PTPDC1: variants seen among roughly 807,000 people sequenced by gnomAD.
PTPDC1 encodes the protein protein tyrosine phosphatase domain-containing protein 1.
Under a neutral mutation model 75.3 loss-of-function variants are expected in PTPDC1, and 53 were observed. That is an observed-to-expected ratio of 0.70 (90% CI 0.56 to 0.88). PTPDC1 has a LOEUF of 0.88. Among genes scored for constraint, PTPDC1 ranks in the 40% least tolerant of loss-of-function variants. The pLI, the probability that PTPDC1 is intolerant of heterozygous loss-of-function variation, is 0.00. For synonymous variants in PTPDC1, 349 were observed against 366.2 expected (o/e 0.95, Z 0.54); for missense variants, 925 against 998.6 (o/e 0.93, Z 0.99).
At position 94,087,815 on chromosome 9, in the gene PTPDC1, C is replaced by T. The variant is rs1200224412; in HGVS notation, c.417-16C>T. On this transcript the variant is annotated splice_polypyrimidine_tract_variant and intron_variant, in intron 2 of 8. Transcript: ENST00000620992. ...AGGTTTCAGCACATCTCACCAGTCCCTCCACCTATTTGCAGGGTCACTGAT... is the reference window on the plus strand; with the variant it reads ...AGGTTTCAGCACATCTCACCAGTCCTTCCACCTATTTGCAGGGTCACTGAT... 2 of 1,602,068 alleles carry T rather than the reference C, an allele frequency of 1.2e-6. No homozygotes were observed. The highest frequency in any genetic ancestry group is 1.7e-5 in the Admixed American group (1 of 59,948).
Position 94,092,846 on chromosome 9 carries a change from C to T in PTPDC1, c.617-2471C>T, listed in dbSNP as rs1827379695. Among the ~76,000 whole-genome samples the T allele has an allele frequency of 4.6e-5, 7 of 151,384 alleles. 1 individual carries two copies. The South Asian group carries it at 1.5e-3, about 32-fold the overall frequency. On this transcript the variant is annotated intron_variant, in intron 4 of 8. Transcript: ENST00000620992. ...CCCTTTACCATTATGTAATGTCCTT[C>T]TTTGTCTCTTTTGATCTTTGTTGGT... is the stretch of plus-strand genomic sequence containing the variant.
intron 1 of PTPDC1, among the ~76,000 whole-genome samples, chr9:94,044,861 A>G (rs535201057): frequency 1.5e-4 from 23 of 151,330 alleles, no homozygotes; most frequent in Non-Finnish European, 3.2e-4. Flanking sequence ...TTTTCATTAT[A>G]CTTTAAGTTT....
intron 2 of PTPDC1, among the ~76,000 whole-genome samples, chr9:94,067,640 C>T (rs2117885947): frequency 6.6e-6 from 1 of 152,088 alleles, no homozygotes; most frequent in African/African-American, 2.4e-5. Context: ...TCTTTTTTGT[C>T]TCCCAGGCTG....
At chr9:94,045,340 A>G (rs1426586626) in intron 1 of PTPDC1, among the ~76,000 whole-genome samples, 10 of 152,122 alleles carry the variant, frequency 6.6e-5, no homozygotes, top group East Asian at 1.9e-4. Context: ...ATGATTTATA[A>G]TCCTTTGGAT....
At chr9:94,040,313 A>G (rs1380603987) in intron 1 of PTPDC1, among the ~76,000 whole-genome samples, 1 of 152,186 alleles carries the variant, frequency 6.6e-6, no homozygotes, top group Admixed American at 6.5e-5. Context: ...GCCTCCCATA[A>G]TTTTTATGTG....
intron 1 of PTPDC1, among the ~76,000 whole-genome samples, chr9:94,049,277 G>A (rs950390755): frequency 6.6e-6 from 1 of 152,100 alleles, no homozygotes; most frequent in Non-Finnish European, 1.5e-5. Flanking sequence ...TGGTTATTTT[G>A]CTCGTTAGTT....
At chr9:94,044,425 A>G (rs2118420174) in intron 1 of PTPDC1, among the ~76,000 whole-genome samples, 1 of 152,298 alleles carries the variant, frequency 6.6e-6, no homozygotes, top group South Asian at 2.1e-4. Flanking sequence ...TAAGCCCAGC[A>G]TTAGCTGTTC....
intron 1 of PTPDC1, among the ~76,000 whole-genome samples, chr9:94,060,697 G>C (rs774748586): frequency 2.6e-5 from 4 of 152,096 alleles, no homozygotes; most frequent in Non-Finnish European, 5.9e-5. Flanking sequence ...AGGAAGGCAG[G>C]GGGAGGTGCT....
chr9:94,076,429 A>G (rs982405689), intron 2 of PTPDC1, among the ~76,000 whole-genome samples: 2 of 152,174 alleles, frequency 1.3e-5, no homozygotes, highest in African/African-American at 4.8e-5. Flanking sequence ...TATAAATGGA[A>G]CCATATAAAT....
At chr9:94,086,940 G>C (rs929374807) in intron 2 of PTPDC1, among the ~76,000 whole-genome samples, 12 of 152,268 alleles carry the variant, frequency 7.9e-5, no homozygotes, top group African/African-American at 2.6e-4. Context: ...ATTCATAACT[G>C]CATGTCAGGA....
At chr9:94,047,623 C>A (rs1178707766) in intron 1 of PTPDC1, among the ~76,000 whole-genome samples, 3 of 152,044 alleles carry the variant, frequency 2.0e-5, no homozygotes, top group Non-Finnish European at 2.9e-5. Context: ...ATTAATGAAT[C>A]CAGGAGCTGG....
At chr9:94,040,927 G>A (rs1587837377) in intron 1 of PTPDC1, among the ~76,000 whole-genome samples, 1 of 152,126 alleles carries the variant, frequency 6.6e-6, no homozygotes, top group East Asian at 1.9e-4. Flanking sequence ...TTATGTTTCT[G>A]ATACTTTATA....
chr9:94,057,636 A>G (rs921595736), intron 1 of PTPDC1, among the ~76,000 whole-genome samples: 2 of 152,354 alleles, frequency 1.3e-5, no homozygotes, highest in South Asian at 2.1e-4. Flanking sequence ...TATAGTCCTC[A>G]TTTTATAGAA....
intron 1 of PTPDC1, among the ~76,000 whole-genome samples, chr9:94,033,796 T>G (rs1042440670): frequency 7.9e-5 from 12 of 152,220 alleles, no homozygotes; most frequent in African/African-American, 2.7e-4. Context: ...TAACTGTATG[T>G]GAGACATAAA....
At chr9:94,090,506 G>A (rs1827272867) in intron 4 of PTPDC1, among the ~76,000 whole-genome samples, 1 of 127,348 alleles carries the variant, frequency 7.9e-6, no homozygotes, top group Non-Finnish European at 1.6e-5. Context: ...TTTGAAGTCA[G>A]GTAGTGTGAT....
At chr9:94,039,253 A>T (rs1825359656) in intron 1 of PTPDC1, among the ~76,000 whole-genome samples, 1 of 152,150 alleles carries the variant, frequency 6.6e-6, no homozygotes. Flanking sequence ...GTTTGGAAAT[A>T]CTCAATTTTT....
At chr9:94,064,535 AT>A (rs1826237991) in intron 1 of PTPDC1, among the ~76,000 whole-genome samples, 1 of 152,138 alleles carries the variant, frequency 6.6e-6, no homozygotes, top group South Asian at 2.1e-4. Flanking sequence ...TTTACATTGT[AT>A]TTTTTGTGTT....
intron 1 of PTPDC1, among the ~76,000 whole-genome samples, chr9:94,042,298 T>A (rs1341586152): frequency 6.6e-6 from 1 of 152,102 alleles, no homozygotes; most frequent in South Asian, 2.1e-4. Context: ...CAAAGTTTCT[T>A]AAACTGCAGT....
intron 1 of PTPDC1, among the ~76,000 whole-genome samples, chr9:94,052,364 A>G (rs1285761904): frequency 1.3e-5 from 2 of 151,990 alleles, no homozygotes; most frequent in African/African-American, 4.8e-5. Flanking sequence ...ACATTTGTTC[A>G]GGTGTGTTTT....
Sources: allele counts gnomAD v4.1 joint callset (sites outside exome capture counted in the v4.1 genomes callset), GRCh38; gene constraint gnomAD v4.1.1; transcripts MANE v1.5; gene names NCBI Gene and HGNC (gene_info 2026-07-23, HGNC 2026-07-21).